Variants in TSHZ2 observed in about 807,000 individuals in gnomAD.
TSHZ2 encodes teashirt zinc finger homeobox 2.
In TSHZ2, 21 loss-of-function variants were observed where a neutral mutation model predicts 74.4. That is an observed-to-expected ratio of 0.28 (90% CI 0.20 to 0.41). The LOEUF is 0.41. Ranked by LOEUF, TSHZ2 falls within the 10% of genes least tolerant of loss-of-function variation. The pLI, the probability that TSHZ2 is intolerant of heterozygous loss-of-function variation, is 1.00. For missense variants in TSHZ2, 1,244 were observed against 1,293.5 expected (o/e 0.96, Z 0.59); for synonymous variants, 540 against 515.3 (o/e 1.05, Z -0.65).
At chr20:53,359,813 G>C (rs76041264) in intron 2 of TSHZ2, among the ~76,000 whole-genome samples, 2,005 of 152,290 alleles carry the variant, frequency 0.013, 47 homozygotes, top group African/African-American at 0.046. Context: ...TTCGAGCCAG[G>C]CTAAAGATGG....
intron 1 of TSHZ2, among the ~76,000 whole-genome samples, chr20:52,981,318 A>G (rs746171414): frequency 6.6e-6 from 1 of 152,192 alleles, no homozygotes; most frequent in Non-Finnish European, 1.5e-5. Context: ...TTGAAGTTCA[A>G]GTCTCTAGGT....
At chr20:53,441,368 C>T (rs1347782146) in intron 2 of TSHZ2, among the ~76,000 whole-genome samples, 1 of 151,666 alleles carries the variant, frequency 6.6e-6, no homozygotes, top group Non-Finnish European at 1.5e-5. Context: ...TGGGTTCCCG[C>T]CATTCTCCTG....
intron 1 of TSHZ2, among the ~76,000 whole-genome samples, chr20:53,235,148 G>T (rs78940770): frequency 2.9e-5 from 2 of 68,840 alleles, no homozygotes; most frequent in Non-Finnish European, 5.9e-5. Context: ...GGGGGGGGGG[G>T]AATGGGGGAG....
intron 2 of TSHZ2, among the ~76,000 whole-genome samples, chr20:53,422,252 C>G (rs920469076): frequency 6.6e-6 from 1 of 152,102 alleles, no homozygotes; most frequent in Non-Finnish European, 1.5e-5. Flanking sequence ...CTGACCCTTC[C>G]CTTGAATTCA....
intron 1 of TSHZ2, among the ~76,000 whole-genome samples, chr20:52,989,853 T>A (rs1384894397): frequency 1.3e-5 from 2 of 151,834 alleles, no homozygotes; most frequent in Non-Finnish European, 2.9e-5. Flanking sequence ...TATTTTGTAA[T>A]TTTTTTTCCT....
At chr20:53,296,615 T>C (rs1310160131) in intron 2 of TSHZ2, among the ~76,000 whole-genome samples, 1 of 152,228 alleles carries the variant, frequency 6.6e-6, no homozygotes, top group African/African-American at 2.4e-5. Flanking sequence ...TTGTCCTTTA[T>C]CATAACTTGA....
intron 2 of TSHZ2, among the ~76,000 whole-genome samples, chr20:53,289,410 G>A (rs1319099483): frequency 6.6e-6 from 1 of 152,154 alleles, no homozygotes. Flanking sequence ...CATAGAAGTT[G>A]TGCTAGTTTA....
chr20:53,017,324 T>C (rs571460689), intron 1 of TSHZ2, among the ~76,000 whole-genome samples: 1 of 152,322 alleles, frequency 6.6e-6, no homozygotes, highest in African/African-American at 2.4e-5. Flanking sequence ...CATGACATGC[T>C]ACAAGTCGTA....
intron 1 of TSHZ2, among the ~76,000 whole-genome samples, chr20:53,004,759 A>G (rs1982577576): frequency 6.6e-6 from 1 of 152,200 alleles, no homozygotes; most frequent in African/African-American, 2.4e-5. Flanking sequence ...CCTCAGGTTT[A>G]ATCTGAGTGG....
chr20:53,286,220 G>A (rs140418580), intron 2 of TSHZ2, among the ~76,000 whole-genome samples: 84 of 152,242 alleles, frequency 5.5e-4, no homozygotes, highest in African/African-American at 1.3e-3. Flanking sequence ...CGGAGTGAGC[G>A]GCTTATTAAT....
chr20:53,231,445 T>A (rs1298361051), intron 1 of TSHZ2, among the ~76,000 whole-genome samples: 1 of 152,190 alleles, frequency 6.6e-6, no homozygotes, highest in Non-Finnish European at 1.5e-5. Flanking sequence ...TTCATTGATG[T>A]GGCCACACTG....
intron 2 of TSHZ2, among the ~76,000 whole-genome samples, chr20:53,441,386 C>A (rs1281737639): frequency 6.6e-6 from 1 of 151,830 alleles, no homozygotes; most frequent in South Asian, 2.1e-4. Context: ...CTGCCTCAGC[C>A]TCCCAAGTAG....
chr20:53,052,615 G>A (rs1194765091), intron 1 of TSHZ2, among the ~76,000 whole-genome samples: 1 of 152,190 alleles, frequency 6.6e-6, no homozygotes, highest in Non-Finnish European at 1.5e-5. Context: ...GTGATAACAT[G>A]TATCAGAATT....
intron 1 of TSHZ2, among the ~76,000 whole-genome samples, chr20:53,145,942 A>G (rs1330692403): frequency 1.3e-5 from 2 of 152,190 alleles, no homozygotes; most frequent in African/African-American, 4.8e-5. Context: ...TTTGAGAAAA[A>G]ACTTAAGAGT....
chr20:53,061,951 T>C (rs1431169281), intron 1 of TSHZ2, among the ~76,000 whole-genome samples: 1 of 152,198 alleles, frequency 6.6e-6, no homozygotes, highest in African/African-American at 2.4e-5. Flanking sequence ...TGCATCATTT[T>C]TTCTTCCCTA....
At chr20:52,999,606 CA>C (rs769030146) in intron 1 of TSHZ2, among the ~76,000 whole-genome samples, 41 of 152,264 alleles carry the variant, frequency 2.7e-4, no homozygotes, top group Admixed American at 8.5e-4. Context: ...AGCAAACGGC[CA>C]GTCTAGAGAT....
intron 1 of TSHZ2, among the ~76,000 whole-genome samples, chr20:53,158,810 C>G (rs1987858119): frequency 6.6e-6 from 1 of 152,194 alleles, no homozygotes; most frequent in Non-Finnish European, 1.5e-5. Flanking sequence ...GGTGCACACC[C>G]AGACTTCCTG....
intron 1 of TSHZ2, among the ~76,000 whole-genome samples, chr20:53,204,580 C>T (rs1277970154): frequency 6.6e-6 from 1 of 152,020 alleles, no homozygotes; most frequent in Non-Finnish European, 1.5e-5. Flanking sequence ...TATTGGGCAG[C>T]GCTGCTTGAA....
intron 2 of TSHZ2, among the ~76,000 whole-genome samples, chr20:53,340,098 A>C (rs1447524288): frequency 2.0e-5 from 3 of 151,956 alleles, no homozygotes; most frequent in Non-Finnish European, 4.4e-5. Context: ...TCTTTCCAGA[A>C]GCAATAAATG....
Sources: allele counts gnomAD v4.1 joint callset (sites outside exome capture counted in the v4.1 genomes callset), GRCh38; gene constraint gnomAD v4.1.1; transcripts MANE v1.5; gene names NCBI Gene and HGNC (gene_info 2026-07-23, HGNC 2026-07-21).